KIF26A: variants seen among roughly 807,000 people sequenced by gnomAD.
KIF26A encodes kinesin family member 26A, also known as kinesin-like protein KIF26A.
A neutral mutation model predicts 126.0 loss-of-function variants in KIF26A; 74 were observed. The ratio of observed to expected loss-of-function variants is 0.59; its 90% CI spans 0.49 to 0.71. KIF26A has a LOEUF of 0.71. Among genes scored for constraint, KIF26A ranks in the 30% least tolerant of loss-of-function variants. The pLI is 0.00. For synonymous variants in KIF26A, 1,445 were observed against 1,232.7 expected, an observed-to-expected ratio of 1.17 and a Z score of -3.61; for missense variants, 2,984 against 2,763.3, an observed-to-expected ratio of 1.08 and a Z score of -1.79.
At chr14:104,166,250 G>C (rs1217294909) in intron 4 of KIF26A, among the ~76,000 whole-genome samples, 1 of 152,174 alleles carries the variant, frequency 6.6e-6, no homozygotes, top group African/African-American at 2.4e-5. Context: ...GGGCAAGGCA[G>C]CCTCACCTGG....
At chr14:104,141,719 G>C (rs776648864) in intron 2 of KIF26A, among the ~76,000 whole-genome samples, 2 of 152,068 alleles carry the variant, frequency 1.3e-5, no homozygotes, top group Admixed American at 1.3e-4. Flanking sequence ...AGAGGGTCGG[G>C]CCCAGCCTGC....
Position 104,170,712 on chromosome 14 carries a change from G to A in KIF26A, c.1114-1011G>A, listed in dbSNP as rs1410043668. On this transcript the variant is annotated intron_variant, in intron 5 of 14. Transcript: ENST00000423312. ...CAGCCTCTGCCGGGTCAGAGCCGCC[G>A]CCTCCTGGCATCGACGCACCAGACC... 2.6e-5 allele frequency among the ~76,000 whole-genome samples: 4 copies of A among 152,234 alleles called. No homozygotes were observed. In the East Asian group the frequency reaches 5.8e-4, roughly 22 times the overall value.
chr14:104,157,347 T>C (rs1380174518), intron 3 of KIF26A, among the ~76,000 whole-genome samples: 2 of 152,130 alleles, frequency 1.3e-5, no homozygotes, highest in African/African-American at 4.8e-5. Flanking sequence ...CGCTGGGTGC[T>C]CCCAGGAGGC....
At chr14:104,170,727 C>T (rs116604519) in intron 5 of KIF26A, among the ~76,000 whole-genome samples, 466 of 152,344 alleles carry the variant, frequency 3.1e-3, no homozygotes, top group African/African-American at 8.4e-3. Context: ...CTGGCATCGA[C>T]GCACCAGACC....
At chr14:104,167,188 G>C in intron 5 of KIF26A, 140 bp downstream of exon 5, 1 of 920,976 alleles carries the variant, frequency 1.1e-6, no homozygotes, top group South Asian at 2.1e-5. Flanking sequence ...GCCATGGGGA[G>C]ACTGAGGCCC....
chr14:104,156,494 C>G (rs1023287784), intron 3 of KIF26A, among the ~76,000 whole-genome samples: 4 of 152,146 alleles, frequency 2.6e-5, no homozygotes, highest in Non-Finnish European at 4.4e-5. Context: ...CCAGGGGGCA[C>G]CCAGCTTCCA....
At chr14:104,158,183 C>T (rs570890805) in intron 4 of KIF26A, among the ~76,000 whole-genome samples, 1 of 152,358 alleles carries the variant, frequency 6.6e-6, no homozygotes, top group African/African-American at 2.4e-5. Context: ...AGGAGGGGCT[C>T]TGTGGCCAGG....
At position 104,176,151 on chromosome 14, in the gene KIF26A, T is replaced by C; in HGVS notation, c.3363T>C (p.Thr1121=). 4 of 1,587,050 alleles carry C rather than the reference T, an allele frequency of 2.5e-6. No individual in the cohort carries two copies. The highest frequency in any genetic ancestry group is 2.6e-6 in the Non-Finnish European group (3 of 1,167,932). The change falls in exon 12 of 15, where the codon ACT becomes ACC. Residue 1121 remains threonine (T), a synonymous_variant. Coordinates refer to ENST00000423312, the MANE Select transcript of KIF26A (RefSeq NM_015656.2). ...GGCTCAGCGAGGTCAGCGTCTGCACTGCCGACAGCCGTGACCCCACGCCGC... is the reference window on the plus strand; with the variant it reads ...GGCTCAGCGAGGTCAGCGTCTGCACCGCCGACAGCCGTGACCCCACGCCGC... ...SSWLSEVSVC[T]ADSRDPTPQP...
chr14:104,164,321 G>A (rs529752400), intron 4 of KIF26A, among the ~76,000 whole-genome samples: 19 of 152,236 alleles, frequency 1.2e-4, no homozygotes, highest in African/African-American at 3.9e-4. Flanking sequence ...GGTGGTCAGC[G>A]TTCACCACAC....
At chr14:104,142,353 C>T (rs765800340) in intron 2 of KIF26A, among the ~76,000 whole-genome samples, 2 of 151,650 alleles carry the variant, frequency 1.3e-5, no homozygotes, top group Non-Finnish European at 3.0e-5. Flanking sequence ...CACACTGTGC[C>T]CTCTGCTCTC....
In KIF26A at chr14:104,148,502, A is replaced by G. The variant is rs900844645; in HGVS notation, c.289-3513A>G. On this transcript the variant is annotated intron_variant, in intron 2 of 14. Coordinates refer to ENST00000423312, the MANE Select transcript of KIF26A (RefSeq NM_015656.2). This position sits in a 1 kb window ranked among gnomAD's most constrained non-coding sequence, Gnocchi z 4.3. ...AGATTCCTGAAATTGGGGGGCAGTA[A>G]CCCGTTGGGGGCTTGGGCCAGAGGA... Among the ~76,000 whole-genome samples the G allele has an allele frequency of 2.0e-5, 3 of 151,884 alleles. No individual in the cohort carries two copies. Among genetic ancestry groups the G allele is most frequent in the African/African-American group, 7.3e-5 (3 of 41,338 alleles).
At chr14:104,144,951 C>T (rs2037667936) in intron 2 of KIF26A, among the ~76,000 whole-genome samples, 1 of 152,204 alleles carries the variant, frequency 6.6e-6, no homozygotes, top group African/African-American at 2.4e-5. Context: ...TGGGCTTTCC[C>T]TGGTTCCTGG....
At chr14:104,145,137 C>T (rs958013396) in intron 2 of KIF26A, among the ~76,000 whole-genome samples, 12 of 152,258 alleles carry the variant, frequency 7.9e-5, no homozygotes, top group Admixed American at 7.2e-4. Flanking sequence ...ACGGTGTGTC[C>T]TTGTCCTGCG....
chr14:104,158,683 C>T (rs1012037820), intron 4 of KIF26A, among the ~76,000 whole-genome samples: 1 of 152,214 alleles, frequency 6.6e-6, no homozygotes, highest in Non-Finnish European at 1.5e-5. Flanking sequence ...GCACCAGGTC[C>T]TTGCCGACTG....
Position 104,160,698 on chromosome 14 carries a change from C to T in KIF26A, c.923+2756C>T, listed in dbSNP as rs144040453. ...CTGAAGGTTCTGGCAACTCTGATGA[C>T]GCTGTCTGAGGCCCCGCTGGTTTGT... On this transcript the variant is annotated intron_variant, in intron 4 of 14. Coordinates refer to ENST00000423312, the MANE Select transcript of KIF26A (RefSeq NM_015656.2). Among the ~76,000 whole-genome samples, 994 of 152,318 alleles carry T rather than the reference C, an allele frequency of 6.5e-3. 10 individuals carry two copies. Among genetic ancestry groups the T allele is most frequent in the African/African-American group, 0.023 (947 of 41,572 alleles).
At chr14:104,166,582 A>G (rs1007863477) in intron 4 of KIF26A, among the ~76,000 whole-genome samples, 3 of 152,144 alleles carry the variant, frequency 2.0e-5, no homozygotes, top group African/African-American at 7.2e-5. Flanking sequence ...AGTGCAGAGC[A>G]CAGGGAGGGG....
Position 104,175,992 on chromosome 14 carries a change from G to C in KIF26A, c.3204G>C (p.Ser1068=). 1.3e-6 allele frequency: 2 copies of C among 1,581,594 alleles called. No homozygotes were observed. Among genetic ancestry groups the C allele is most frequent in the Non-Finnish European group, 1.7e-6 (2 of 1,170,378 alleles). Residue 1068 remains serine (S), a synonymous_variant, in exon 12 of 15, where the codon TCG becomes TCC. Coordinates refer to ENST00000423312, the MANE Select transcript of KIF26A (RefSeq NM_015656.2). ...DSDCSLRALA[S]GSRPVSIISS... is the part of the protein sequence containing the mutation. ...ACTGCTCCCTGCGGGCCCTGGCCTC[G>C]GGGTCCCGGCCAGTCAGCATCATCA...
At chr14:104,172,906 C>CCG (rs902331282) in intron 7 of KIF26A, 71 bp from the exon 8 acceptor site, 2 of 1,461,532 alleles carry the variant, frequency 1.4e-6, no homozygotes, top group Non-Finnish European at 1.8e-6. Context: ...GGTTGGCCCC[C>CCG]GGGGACGCCA....
In KIF26A at chr14:104,142,408, C is replaced by G. The variant is rs531408520; in HGVS notation, c.288+3120C>G. ...GTCTCCGGGCTGACTACTTCAGGAC[C>G]CCCATGGCCTGGAGCGGCCCCCTGT... On this transcript the variant is annotated intron_variant, in intron 2 of 14. Transcript: ENST00000423312. 2.6e-5 allele frequency among the ~76,000 whole-genome samples: 4 copies of G among 152,142 alleles called. No homozygotes were observed. The East Asian group carries it at 7.7e-4, about 29-fold the overall frequency.
Sources: gnomAD v4.1 joint callset for allele counts (sites outside exome capture counted in the v4.1 genomes callset) on GRCh38, gnomAD v4.1.1 for gene constraint, Gnocchi (gnomAD v3.1) non-coding constraint, MANE v1.5 for transcripts, NCBI Gene and HGNC (gene_info 2026-07-23, HGNC 2026-07-21) for gene names.